ATP10A: variants seen among roughly 807,000 people sequenced by gnomAD.
ATP10A encodes the protein ATPase phospholipid transporting 10A (putative), also known as phospholipid-transporting ATPase VA.
A neutral mutation model predicts 147.8 loss-of-function variants in ATP10A; 111 were observed. The ratio of observed to expected loss-of-function variants is 0.75; its 90% CI spans 0.64 to 0.88. ATP10A has a LOEUF of 0.88. Among genes scored for constraint, ATP10A ranks in the 40% least tolerant of loss-of-function variants. ATP10A has a pLI of 0.00. For synonymous variants in ATP10A, 875 were observed against 841.6 expected (o/e 1.04, Z -0.69); for missense variants, 1,927 against 1,959.0 (o/e 0.98, Z 0.31).
intron 3 of ATP10A, among the ~76,000 whole-genome samples, chr15:25,735,006 G>T (rs1300113926): frequency 1.4e-4 from 1 of 7,070 alleles, no homozygotes; most frequent in Non-Finnish European, 4.0e-4. Context: ...GTGGGAGCGG[G>T]GGGGGGGTGG....
intron 1 of ATP10A, among the ~76,000 whole-genome samples, chr15:25,816,811 T>C (rs1454739171): frequency 6.6e-6 from 1 of 152,200 alleles, no homozygotes; most frequent in African/African-American, 2.4e-5. Context: ...ACTTTTAATG[T>C]ATTATTCTCC....
At chr15:25,728,842 C>T (rs1170675700) in intron 3 of ATP10A, among the ~76,000 whole-genome samples, 1 of 152,204 alleles carries the variant, frequency 6.6e-6, no homozygotes, top group Non-Finnish European at 1.5e-5. Context: ...CAGGTCCATG[C>T]CAGAAGGAAG....
chr15:25,729,284 C>T (rs566892962), intron 3 of ATP10A, among the ~76,000 whole-genome samples: 4 of 152,246 alleles, frequency 2.6e-5, no homozygotes, highest in East Asian at 3.9e-4. Flanking sequence ...GTCAGGAGTT[C>T]GAGACCAGCC....
Position 25,862,689 on chromosome 15 carries a change from G to A in ATP10A, c.408C>T (p.Ser136=). 2.5e-6 allele frequency: 4 copies of A among 1,604,244 alleles called. No individual in the cohort carries two copies. Among genetic ancestry groups the A allele is most frequent in the Non-Finnish European group, 3.4e-6 (4 of 1,173,696 alleles). The change falls in exon 1 of 21, where the codon TCC becomes TCT. Residue 136 remains serine, a synonymous_variant. Transcript: ENST00000555815. The part of the protein sequence containing the change: ...DLWEDYSRHR[S]DHKINHLGCL... ...AGCCCAGGTGGTTGATCTTGTGGTC[G>A]GAGCGGTGGCGGCTGTAGTCCTCCC... is the stretch of plus-strand genomic sequence containing the variant.
chr15:25,814,758 C>T (rs778249052), intron 1 of ATP10A, among the ~76,000 whole-genome samples: 3 of 152,122 alleles, frequency 2.0e-5, no homozygotes, highest in African/African-American at 4.8e-5. Flanking sequence ...ACCGTTCTGT[C>T]TCATTTGGGA....
rs558817715 is a variant in ATP10A at position 25,841,859 on chromosome 15, A to G, written c.449+20789T>C. On this transcript the variant is annotated intron_variant, in intron 1 of 20. Coordinates refer to ENST00000555815, the MANE Select transcript of ATP10A (RefSeq NM_024490.4). Reference sequence around the variant, plus strand: ...TTGTGATTTCAGTTTTCACTAGTCCATTGTGGGGATACAGAAATGCAGTCA... The same window carrying G: ...TTGTGATTTCAGTTTTCACTAGTCCGTTGTGGGGATACAGAAATGCAGTCA... 9.2e-5 allele frequency: 14 copies of G among 152,314 alleles called. No individual in the cohort carries two copies. In the East Asian group the frequency reaches 2.7e-3, roughly 29 times the overall value. 9.4% of individuals were successfully genotyped at this position (152,314 alleles called of 1,614,324 possible).
chr15:25,692,027 T>G (rs1056069850), intron 14 of ATP10A, among the ~76,000 whole-genome samples: 2 of 152,118 alleles, frequency 1.3e-5, no homozygotes, highest in African/African-American at 4.8e-5. Context: ...AGCCACCTGG[T>G]ACATGGCGCC....
At chr15:25,806,243 G>A (rs533642547) in intron 1 of ATP10A, among the ~76,000 whole-genome samples, 3 of 152,268 alleles carry the variant, frequency 2.0e-5, no homozygotes, top group East Asian at 1.9e-4. Context: ...TCAAGATGAC[G>A]AGAATGAAGA....
At chr15:25,840,870 C>T (rs567922311) in intron 1 of ATP10A, among the ~76,000 whole-genome samples, 1 of 152,206 alleles carries the variant, frequency 6.6e-6, no homozygotes, top group Admixed American at 6.5e-5. Context: ...CTCTGAGTGG[C>T]TTTAATTTGC....
At chr15:25,830,331 G>C (rs1380733546) in intron 1 of ATP10A, among the ~76,000 whole-genome samples, 1 of 152,130 alleles carries the variant, frequency 6.6e-6, no homozygotes, top group Non-Finnish European at 1.5e-5. Context: ...CACTGAAAGG[G>C]GTGGAAGTGT....
intron 1 of ATP10A, among the ~76,000 whole-genome samples, chr15:25,819,830 G>A (rs1464781673): frequency 6.6e-6 from 1 of 152,124 alleles, no homozygotes; most frequent in Non-Finnish European, 1.5e-5. Context: ...GAAACAGAAA[G>A]TCAGATACCA....
At chr15:25,760,804 C>T (rs1334151347) in intron 2 of ATP10A, among the ~76,000 whole-genome samples, 2 of 152,110 alleles carry the variant, frequency 1.3e-5, no homozygotes, top group Non-Finnish European at 2.9e-5. Flanking sequence ...TATGATCGTG[C>T]CACTGCACTC....
chr15:25,687,391 C>T (rs1198376983), intron 16 of ATP10A, among the ~76,000 whole-genome samples: 4 of 151,882 alleles, frequency 2.6e-5, no homozygotes, highest in Non-Finnish European at 4.4e-5. Flanking sequence ...GCTGTGTGCC[C>T]CTGTGCAAAC....
At chr15:25,681,873 G>A (rs1193345159) in intron 17 of ATP10A, among the ~76,000 whole-genome samples, 1 of 152,088 alleles carries the variant, frequency 6.6e-6, no homozygotes, top group Admixed American at 6.6e-5. Context: ...TTAACATGGT[G>A]AAACCCCGTC....
At chr15:25,766,747 T>C (rs917919990) in intron 2 of ATP10A, among the ~76,000 whole-genome samples, 7 of 151,982 alleles carry the variant, frequency 4.6e-5, no homozygotes, top group Non-Finnish European at 7.4e-5. Flanking sequence ...CTGTGCCGCC[T>C]GCAAGCGCTC....
At chr15:25,853,622 C>A (rs1212629031) in intron 1 of ATP10A, among the ~76,000 whole-genome samples, 1 of 152,126 alleles carries the variant, frequency 6.6e-6, no homozygotes, top group East Asian at 1.9e-4. Flanking sequence ...GAAGGAAGTA[C>A]TCCCCCCCAG....
At position 25,752,843 on chromosome 15, in the gene ATP10A, C is replaced by T. The variant is rs75019905; in HGVS notation, c.655-16702G>A. Among the ~76,000 whole-genome samples the T allele has an allele frequency of 7.2e-3, 1,098 of 152,042 alleles. 4 individuals carry two copies. The highest frequency in any genetic ancestry group is 0.012 in the Admixed American group (185 of 15,266). On this transcript the variant is annotated intron_variant, in intron 2 of 20. Coordinates refer to ENST00000555815, the MANE Select transcript of ATP10A (RefSeq NM_024490.4). Reference sequence around the variant, plus strand: ...AGTCCTTTAAAATTTTTTTCAGCAACGTTTTATAGTTTTCAGTATATGTGT... The same window carrying T: ...AGTCCTTTAAAATTTTTTTCAGCAATGTTTTATAGTTTTCAGTATATGTGT...
intron 1 of ATP10A, among the ~76,000 whole-genome samples, chr15:25,791,744 G>A (rs1890438735): frequency 6.6e-6 from 1 of 152,180 alleles, no homozygotes; most frequent in African/African-American, 2.4e-5. Flanking sequence ...ACCTGTGAGA[G>A]CATTCATATT....
intron 3 of ATP10A, among the ~76,000 whole-genome samples, chr15:25,732,558 C>CTTTTTTTTTTTTTTTTTTTTTT (rs36120691): frequency 1.2e-5 from 1 of 84,146 alleles, no homozygotes; most frequent in Non-Finnish European, 2.1e-5. Flanking sequence ...GCGACACCTT[C>CTTTTTTTTTTTTTTTTTTTTTT]TTTTTTTTTT....
Sources: gnomAD v4.1 joint callset for allele counts (sites outside exome capture counted in the v4.1 genomes callset) on GRCh38, gnomAD v4.1.1 for gene constraint, MANE v1.5 for transcripts, NCBI Gene and HGNC (gene_info 2026-07-23, HGNC 2026-07-21) for gene names.